Variants in CENPP observed in about 807,000 individuals in gnomAD.
CENPP encodes the protein centromere protein P.
A neutral mutation model predicts 35.6 loss-of-function variants in CENPP; 24 were observed. The observed-to-expected ratio is 0.67, with a 90% CI of 0.49 to 0.95. The LOEUF is 0.95. Among genes scored for constraint, CENPP ranks in the 40% least tolerant of loss-of-function variants. The pLI is 0.00. For missense variants in CENPP, 332 were observed against 345.3 expected (o/e 0.96, Z 0.31); for synonymous variants, 120 against 125.5 (o/e 0.96, Z 0.29).
chr9:92,534,279 G>T lies in CENPP; in HGVS notation c.565-77035G>T, dbSNP rs1049437739. Among the ~76,000 whole-genome samples the T allele has an allele frequency of 1.3e-5, 2 of 152,152 alleles. 1 individual carries two copies. The highest frequency in any genetic ancestry group is 1.3e-4 in the Admixed American group (2 of 15,284). ...TATTTCAAGGGAGTTGGTGAGAGGG[G>T]AAGAGGGCACAAGGTCAGCTCAGTT... On this transcript the variant is annotated intron_variant, in intron 5 of 7. Transcript: ENST00000375587.
Position 92,616,027 on chromosome 9 carries a change from C to T in CENPP, c.*2878C>T, listed in dbSNP as rs780415191. 1.2e-6 allele frequency: 2 copies of T among 1,614,042 alleles called. No homozygotes were observed. Among genetic ancestry groups the T allele is most frequent in the Non-Finnish European group, 1.7e-6 (2 of 1,179,974 alleles). On this transcript the variant is annotated 3_prime_UTR_variant, in exon 8 of 8. Transcript: ENST00000375587. Reference sequence around the variant, plus strand: ...ACACGGAAAAGGCAAACCTGGACCTCGATGAAGGGACGACAGGCCTTTGAT... The same window carrying T: ...ACACGGAAAAGGCAAACCTGGACCTTGATGAAGGGACGACAGGCCTTTGAT...
chr9:92,546,444 G>A (rs1186943214), intron 5 of CENPP, among the ~76,000 whole-genome samples: 4 of 152,196 alleles, frequency 2.6e-5, no homozygotes, highest in African/African-American at 7.2e-5. Context: ...CATGGGGGAA[G>A]ATCTGCAGCT....
At chr9:92,590,609 G>A (rs1391730019) in intron 5 of CENPP, among the ~76,000 whole-genome samples, 1 of 152,220 alleles carries the variant, frequency 6.6e-6, no homozygotes, top group East Asian at 1.9e-4. Context: ...CCTGGTCTCA[G>A]GGGCCCTTAT....
intron 5 of CENPP, among the ~76,000 whole-genome samples, chr9:92,389,407 C>A (rs1213048739): frequency 2.6e-5 from 4 of 152,142 alleles, no homozygotes; most frequent in African/African-American, 9.7e-5. Flanking sequence ...TATAGAATTT[C>A]ACAGTCTAAT....
At chr9:92,341,365 C>T (rs983784813) in intron 3 of CENPP, among the ~76,000 whole-genome samples, 43 of 152,228 alleles carry the variant, frequency 2.8e-4, no homozygotes, top group Non-Finnish European at 5.0e-4. Context: ...CACACATATT[C>T]GCACACTCCC....
In CENPP at chr9:92,619,655, C is replaced by T; in HGVS notation, c.*6506C>T. 8.7e-7 allele frequency: 1 copy of T among 1,148,828 alleles called. No individual in the cohort carries two copies. 71.2% of individuals were successfully genotyped at this position (1,148,828 alleles called of 1,614,324 possible). A position where few individuals can be genotyped will look rare whatever the true frequency, so the allele number is the denominator to read the frequency against. On this transcript the variant is annotated 3_prime_UTR_variant, in exon 8 of 8. Coordinates refer to ENST00000375587, the MANE Select transcript of CENPP (RefSeq NM_001012267.3). ...CCTTCCCAGTAGCCAAGTGTGGGAA[C>T]TGCTTCCTGCCTCAGAACCTGAGGG... is the stretch of plus-strand genomic sequence containing the variant.
chr9:92,559,194 T>C (rs1484630990), intron 5 of CENPP, among the ~76,000 whole-genome samples: 1 of 152,202 alleles, frequency 6.6e-6, no homozygotes, highest in Non-Finnish European at 1.5e-5. Context: ...TCATTCTCCC[T>C]GTGGAGTTTT....
Position 92,395,983 on chromosome 9 carries a change from T to C in CENPP, c.564+16124T>C, listed in dbSNP as rs559025746. On this transcript the variant is annotated intron_variant, in intron 5 of 7. Transcript: ENST00000375587. The stretch of plus-strand genomic sequence containing the variant: ...ACTTTGTTTTCTTCTAGAAGTTGTA[T>C]AGTTTAAGATCTTTACCTTTAGGTG... Among the ~76,000 whole-genome samples the C allele has an allele frequency of 7.4e-4, 113 of 152,310 alleles. 1 individual carries two copies. Among genetic ancestry groups the C allele is most frequent in the African/African-American group, 2.6e-3 (107 of 41,582 alleles).
intron 5 of CENPP, among the ~76,000 whole-genome samples, chr9:92,485,494 T>C (rs912203533): frequency 1.3e-5 from 2 of 152,234 alleles, no homozygotes; most frequent in African/African-American, 4.8e-5. Flanking sequence ...TTAATGCAAA[T>C]TTATTTTCCT....
intron 5 of CENPP, among the ~76,000 whole-genome samples, chr9:92,521,012 A>G (rs1433749559): frequency 6.6e-6 from 1 of 152,250 alleles, no homozygotes; most frequent in East Asian, 1.9e-4. Context: ...GAAAATGTGC[A>G]GAAACAAGAT....
chr9:92,394,540 C>T (rs1190267917), intron 5 of CENPP, among the ~76,000 whole-genome samples: 3 of 151,644 alleles, frequency 2.0e-5, no homozygotes, highest in Admixed American at 1.3e-4. Flanking sequence ...CGTGAGCCAT[C>T]ACACCTGACC....
In CENPP at chr9:92,403,353, G is replaced by A; in HGVS notation, c.564+23494G>A. 5 of 1,613,266 alleles carry A rather than the reference G, an allele frequency of 3.1e-6. No individual in the cohort carries two copies. The South Asian group carries it at 5.5e-5, about 18-fold the overall frequency. ...GAGTCCTGCTGGGTTGGTGGTGCTG[G>A]CTTTATCAGAGGCACAAGCAGTAAC... On this transcript the variant is annotated intron_variant, in intron 5 of 7. Transcript: ENST00000375587.
intron 5 of CENPP, chr9:92,415,005 A>G: frequency 1.8e-6 from 1 of 551,544 alleles, no homozygotes; most frequent in African/African-American, 1.9e-5. Context: ...AATGATGCAG[A>G]TGTCACCAAC....
chr9:92,461,959 C>T (rs1437834082), intron 5 of CENPP, among the ~76,000 whole-genome samples: 1 of 151,770 alleles, frequency 6.6e-6, no homozygotes, highest in Non-Finnish European at 1.5e-5. Context: ...CAGGTCATTG[C>T]AGTATTTATT....
chr9:92,494,766 G>A, intron 5 of CENPP, among the ~76,000 whole-genome samples: 1 of 152,104 alleles, frequency 6.6e-6, no homozygotes, highest in Non-Finnish European at 1.5e-5. Context: ...CATTAGCGGG[G>A]AGTGGTGACG....
At chr9:92,353,482 C>T (rs1054141850) in intron 4 of CENPP, among the ~76,000 whole-genome samples, 3 of 152,142 alleles carry the variant, frequency 2.0e-5, no homozygotes, top group Non-Finnish European at 2.9e-5. Context: ...TAAGAGAAGC[C>T]GTAATGAATC....
rs768201897 is a variant in CENPP at position 92,552,004 on chromosome 9, GTATA to G, written c.565-59304_565-59301del. Among the ~76,000 whole-genome samples the G allele has an allele frequency of 1.6e-4, 22 of 138,730 alleles. 3 individuals carry two copies. In the East Asian group the frequency reaches 3.5e-3, roughly 22 times the overall value. 91.0% of individuals were successfully genotyped at this position (138,730 alleles called of 152,430 possible). A position where few individuals can be genotyped will look rare whatever the true frequency, so the allele number is the denominator to read the frequency against. On this transcript the variant is annotated intron_variant, in intron 5 of 7. Transcript: ENST00000375587. ...GTGTGTATATATGTGATATATATGT[GTATA>G]TATATGATATGATAGATCTATCATA... is the stretch of plus-strand genomic sequence containing the variant.
At chr9:92,420,648 T>G (rs1843762485) in intron 5 of CENPP, among the ~76,000 whole-genome samples, 1 of 151,406 alleles carries the variant, frequency 6.6e-6, no homozygotes, top group Non-Finnish European at 1.5e-5. Flanking sequence ...CTTGCTTCTT[T>G]TTTTTAAGTC....
chr9:92,574,168 G>A (rs1238726020), intron 5 of CENPP, among the ~76,000 whole-genome samples: 4 of 152,208 alleles, frequency 2.6e-5, no homozygotes, highest in South Asian at 2.1e-4. Flanking sequence ...CATCGCTCAC[G>A]CTGGGAGCTA....
Sources: gnomAD v4.1 joint callset for allele counts (sites outside exome capture counted in the v4.1 genomes callset) on GRCh38, gnomAD v4.1.1 for gene constraint, MANE v1.5 for transcripts, NCBI Gene and HGNC (gene_info 2026-07-23, HGNC 2026-07-21) for gene names.